The following SNAP91 variants were observed in gnomAD, a reference collection of about 807,000 sequenced individuals.
SNAP91 encodes clathrin coat assembly protein AP180.
A neutral mutation model predicts 100.3 loss-of-function variants in SNAP91; 27 were observed. The ratio of observed to expected loss-of-function variants is 0.27; its 90% CI spans 0.20 to 0.37. The LOEUF (loss-of-function observed/expected upper bound fraction) is 0.37, where lower values mean the gene tolerates loss of function less well. SNAP91 is among the 10% of genes least tolerant of loss of function. The pLI is 1.00. For missense variants in SNAP91, 986 were observed against 1,123.7 expected, an observed-to-expected ratio of 0.88 and a Z score of 1.75; for synonymous variants, 404 against 398.6, an observed-to-expected ratio of 1.01 and a Z score of -0.16.
At chr6:83,612,218 A>C (rs1440844569) in intron 11 of SNAP91, among the ~76,000 whole-genome samples, 1 of 152,144 alleles carries the variant, frequency 6.6e-6, no homozygotes, top group Non-Finnish European at 1.5e-5. Context: ...AATATAGTCT[A>C]TGAGGGAAAG....
intron 2 of SNAP91, among the ~76,000 whole-genome samples, chr6:83,665,925 A>T (rs886199218): frequency 6.6e-6 from 1 of 152,086 alleles, no homozygotes; most frequent in Non-Finnish European, 1.5e-5. Context: ...TTACTGCTAT[A>T]AGCACAATGT....
At chr6:83,664,822 A>G (rs2098645597) in intron 3 of SNAP91, among the ~76,000 whole-genome samples, 1 of 152,122 alleles carries the variant, frequency 6.6e-6, no homozygotes, top group African/African-American at 2.4e-5. Flanking sequence ...TGCTACAGAG[A>G]AATCTTTTGT....
chr6:83,666,824 G>T (rs2098695225), intron 2 of SNAP91, among the ~76,000 whole-genome samples: 1 of 151,936 alleles, frequency 6.6e-6, no homozygotes, highest in Admixed American at 6.6e-5. Flanking sequence ...CCTTCAGGAA[G>T]TCTTTCCTGG....
At position 83,553,862 on chromosome 6, in the gene SNAP91, G is replaced by C. The variant is rs2127730636; in HGVS notation, c.*434C>G. On this transcript the variant is annotated 3_prime_UTR_variant, in exon 30 of 30. Transcript: ENST00000369694. The stretch of plus-strand genomic sequence containing the variant: ...TATCTGGTATTATCACACTACGCTT[G>C]TAACAGAGATACAGAAGAAAAGATA... The C allele has an allele frequency of 6.6e-6, 1 of 152,280 alleles. No individual in the cohort carries two copies. The highest frequency in any genetic ancestry group is 2.4e-5 in the African/African-American group (1 of 41,570). 9.4% of individuals were successfully genotyped at this position (152,280 alleles called of 1,614,324 possible). A position where few individuals can be genotyped will look rare whatever the true frequency, so the allele number is the denominator to read the frequency against.
chr6:83,667,576 TTTA>T (rs573696857), intron 2 of SNAP91, among the ~76,000 whole-genome samples: 59 of 152,008 alleles, frequency 3.9e-4, no homozygotes, highest in Non-Finnish European at 7.2e-4. Context: ...TGTTAACAGA[TTTA>T]TTATTATTTA....
At chr6:83,570,230 T>G (rs1804432759) in intron 26 of SNAP91, among the ~76,000 whole-genome samples, 1 of 152,132 alleles carries the variant, frequency 6.6e-6, no homozygotes, top group Admixed American at 6.5e-5. Flanking sequence ...TTGTGGAACT[T>G]TGAACTTGAG....
At chr6:83,602,394 G>A (rs140629245) in intron 14 of SNAP91, among the ~76,000 whole-genome samples, 2 of 152,098 alleles carry the variant, frequency 1.3e-5, no homozygotes, top group East Asian at 3.9e-4. Context: ...AGTGGCTATG[G>A]TCCTTGGAAA....
At chr6:83,598,620 T>G (rs1252881723) in intron 16 of SNAP91, among the ~76,000 whole-genome samples, 2 of 152,150 alleles carry the variant, frequency 1.3e-5, no homozygotes, top group Non-Finnish European at 2.9e-5. Context: ...GTTTTAAAGT[T>G]GTAAAGTTAT....
At chr6:83,627,437 C>CT in intron 8 of SNAP91, among the ~76,000 whole-genome samples, 1 of 152,060 alleles carries the variant, frequency 6.6e-6, no homozygotes, top group Admixed American at 6.6e-5. Context: ...TCCAGTTCTT[C>CT]TTTTTACATC....
At chr6:83,624,259 C>T (rs2096845825) in intron 8 of SNAP91, among the ~76,000 whole-genome samples, 1 of 152,012 alleles carries the variant, frequency 6.6e-6, no homozygotes, top group Non-Finnish European at 1.5e-5. Context: ...ATTCATTATA[C>T]ATAAATTCTT....
intron 8 of SNAP91, among the ~76,000 whole-genome samples, chr6:83,636,907 T>G (rs1421375848): frequency 6.6e-6 from 1 of 152,336 alleles, no homozygotes; most frequent in East Asian, 1.9e-4. Context: ...CGGTTTCGTT[T>G]CTGAGCGCTT....
At chr6:83,594,574 C>G (rs1185088120) in intron 16 of SNAP91, 93 bp from the exon 17 acceptor site, 1 of 723,764 alleles carries the variant, frequency 1.4e-6, no homozygotes. Context: ...AAGAAGGCTC[C>G]CTTATACAAC....
At chr6:83,603,873 A>C (rs2095446814) in intron 14 of SNAP91, among the ~76,000 whole-genome samples, 1 of 152,194 alleles carries the variant, frequency 6.6e-6, no homozygotes, top group Admixed American at 6.6e-5. Flanking sequence ...TTAATGTTTC[A>C]ATCATCAATA....
rs866045049 is a variant in SNAP91, at chr6:83,695,860, A to G, written c.130+11938T>C. ...TGGCACAGTTATGTCACCAAGGAAC[A>G]CAGTCCTTTACAAAATGCAATAAAA... On this transcript the variant is annotated intron_variant, in intron 2 of 29. Coordinates refer to ENST00000369694, the MANE Select transcript of SNAP91 (RefSeq NM_001242792.2). Among the ~76,000 whole-genome samples, 14 of 151,530 alleles carry G rather than the reference A, an allele frequency of 9.2e-5. No individual in the cohort carries two copies. The Middle Eastern group carries it at 0.014, about 148-fold the overall frequency.
At chr6:83,686,572 C>T (rs1022140617) in intron 2 of SNAP91, among the ~76,000 whole-genome samples, 2 of 152,188 alleles carry the variant, frequency 1.3e-5, no homozygotes, top group African/African-American at 4.8e-5. Flanking sequence ...GCCCAGGCCA[C>T]TATATGGGAA....
chr6:83,693,680 A>C (rs547592965), intron 2 of SNAP91, among the ~76,000 whole-genome samples: 69 of 152,330 alleles, frequency 4.5e-4, no homozygotes, highest in African/African-American at 1.5e-3. Context: ...CAAAATGTAA[A>C]ATCAAGAACA....
At position 83,607,705 on chromosome 6, in the gene SNAP91, G is replaced by A. The variant is rs762738268; in HGVS notation, c.1016C>T (p.Pro339Leu). 1.3e-6 allele frequency: 2 copies of A among 1,566,060 alleles called. No homozygotes were observed. Among genetic ancestry groups the A allele is most frequent in the South Asian group, 1.2e-5 (1 of 84,892 alleles). ...TGCATATTTATTTACCAACCTGACTGGGACAGCCGCAGATGCAGTTGCAAA... is the reference window on the plus strand; with the variant it reads ...TGCATATTTATTTACCAACCTGACTAGGACAGCCGCAGATGCAGTTGCAAA... ...DLFATASAAV[P>L]VSTSKPSSDL... The change falls in exon 13 of 30, where the codon CCA becomes CTA. Residue 339 changes from proline to leucine, a missense_variant. By Grantham distance (98) the Pro-to-Leu change is moderately conservative. This residue lies in a region of SNAP91 where 330 missense variants were observed against 447.5 expected (regional missense o/e 0.74). Coordinates refer to ENST00000369694, the MANE Select transcript of SNAP91 (RefSeq NM_001242792.2).
At chr6:83,626,126 G>C (rs897008925) in intron 8 of SNAP91, among the ~76,000 whole-genome samples, 3 of 151,900 alleles carry the variant, frequency 2.0e-5, no homozygotes, top group African/African-American at 4.8e-5. Flanking sequence ...CTTTCCCCTT[G>C]TTATGCTTAT....
intron 6 of SNAP91, 45 bp downstream of exon 6, chr6:83,658,954 G>T (rs1562540509): frequency 7.1e-7 from 1 of 1,413,284 alleles, no homozygotes; most frequent in Non-Finnish European, 9.8e-7. Context: ...TCAAATGAAA[G>T]ACAACATTGA....
Sources: gnomAD v4.1 joint callset for allele counts (sites outside exome capture counted in the v4.1 genomes callset) on GRCh38, gnomAD v4.1.1 for gene constraint, gnomAD v4.1.1 regional missense constraint, MANE v1.5 for transcripts, NCBI Gene and HGNC (gene_info 2026-07-23, HGNC 2026-07-21) for gene names.